Variants in NFATC2 observed in about 807,000 individuals in gnomAD.
NFATC2 encodes the protein nuclear factor of activated T cells 2.
In NFATC2, 22 loss-of-function variants were observed where a neutral mutation model predicts 87.3. That is an observed-to-expected ratio of 0.25 (90% CI 0.18 to 0.36). The LOEUF is 0.36. Ranked by LOEUF, NFATC2 falls within the 10% of genes least tolerant of loss-of-function variation. NFATC2 has a pLI of 1.00. For missense variants in NFATC2, 1,149 were observed against 1,259.1 expected (o/e 0.91, Z 1.32); for synonymous variants, 565 against 542.2 (o/e 1.04, Z -0.58).
intron 3 of NFATC2, among the ~76,000 whole-genome samples, chr20:51,506,627 G>T (rs2076186319): frequency 1.3e-5 from 2 of 152,210 alleles, no homozygotes; most frequent in South Asian, 2.1e-4. Flanking sequence ...CAATAAAGAG[G>T]TCTTGGCCTC....
chr20:51,494,623 CACTTGGCTTCCATAA>C lies in NFATC2; in HGVS notation c.1333-18978_1333-18964del, dbSNP rs375166584. 1.5e-3 allele frequency among the ~76,000 whole-genome samples: 234 copies of C among 152,244 alleles called. 1 individual carries two copies. The highest frequency in any genetic ancestry group is 5.5e-3 in the African/African-American group (228 of 41,532). On this transcript the variant is annotated intron_variant, in intron 3 of 10. Transcript: ENST00000371564. ...GAACCCACGCGCCTTGAGGGACTGG[CACTTGGCTTCCATAA>C]ACAAGGCCGCGGCTCAGTCATCTCA...
intron 3 of NFATC2, among the ~76,000 whole-genome samples, chr20:51,502,817 C>T (rs1233430226): frequency 1.3e-5 from 2 of 152,150 alleles, no homozygotes; most frequent in Non-Finnish European, 1.5e-5. Context: ...TACAGTTTTA[C>T]AATAAATGTC....
At chr20:51,516,698 T>C in intron 3 of NFATC2, 86 bp downstream of exon 3, 2 of 1,438,524 alleles carry the variant, frequency 1.4e-6, no homozygotes, top group African/African-American at 1.4e-5. Context: ...TACCTCACCT[T>C]AACAAGCAAC....
At chr20:51,530,057 A>C (rs1221813334) in intron 1 of NFATC2, among the ~76,000 whole-genome samples, 1 of 152,242 alleles carries the variant, frequency 6.6e-6, no homozygotes, top group East Asian at 1.9e-4. Context: ...AACATTTCCA[A>C]GACCCCAGAA....
intron 3 of NFATC2, among the ~76,000 whole-genome samples, chr20:51,514,865 AC>A (rs2076326768): frequency 6.6e-6 from 1 of 152,080 alleles, no homozygotes; most frequent in African/African-American, 2.4e-5. Flanking sequence ...AGAGTGATAG[AC>A]TCTGTCAAAA....
At chr20:51,397,122 A>T (rs781523525) in intron 10 of NFATC2, among the ~76,000 whole-genome samples, 1 of 152,048 alleles carries the variant, frequency 6.6e-6, no homozygotes, top group Non-Finnish European at 1.5e-5. Flanking sequence ...CGAACTCCTG[A>T]CCTTGCCTCG....
intron 1 of NFATC2, among the ~76,000 whole-genome samples, chr20:51,526,147 A>G (rs1317262307): frequency 6.6e-6 from 1 of 151,882 alleles, no homozygotes; most frequent in Non-Finnish European, 1.5e-5. Flanking sequence ...TTTCCCTGCC[A>G]TCTTTTCTCC....
intron 9 of NFATC2, among the ~76,000 whole-genome samples, chr20:51,420,979 T>C (rs1242509481): frequency 6.6e-6 from 1 of 151,896 alleles, no homozygotes; most frequent in African/African-American, 2.4e-5. Context: ...GAAGATTGTT[T>C]GAGCCCAGGA....
At chr20:51,501,878 A>G (rs1180614206) in intron 3 of NFATC2, among the ~76,000 whole-genome samples, 1 of 152,230 alleles carries the variant, frequency 6.6e-6, no homozygotes, top group Non-Finnish European at 1.5e-5. Flanking sequence ...CCACACATAC[A>G]GTCTCTGTTG....
Position 51,432,738 on chromosome 20 carries a change from TC to T in NFATC2, c.2050del (p.Glu684SerfsTer10). 2 of 1,581,988 alleles carry T rather than the reference TC, an allele frequency of 1.3e-6. No individual in the cohort carries two copies. Among genetic ancestry groups the T allele is most frequent in the South Asian group, 1.1e-5 (1 of 88,360 alleles). Reference protein sequence around the residue: ...TYHPVPAIKTEPTDEYDPTLI... With the variant: ...TYHPVPAIKTXPTDEYDPTLI... The stretch of plus-strand genomic sequence containing the variant: ...AGTGGGGTCATATTCATCCGTGGGC[TC>T]CGTCTTGATGGCTGGGACTGGGAGG... On this transcript the variant is annotated frameshift_variant, in exon 9 of 11. Transcript: ENST00000371564. LOFTEE classifies it high-confidence loss of function. The surrounding 1 kb of genome is among the most constrained non-coding windows in gnomAD (Gnocchi z 4.6).
At chr20:51,491,871 TACACATACACACACACACACACAC>T (rs2075893792) in intron 3 of NFATC2, among the ~76,000 whole-genome samples, 3 of 86,246 alleles carry the variant, frequency 3.5e-5, no homozygotes, top group Non-Finnish European at 4.9e-5. Context: ...AACACACACA[TACACATACACACACACACACACAC>T]ACACACACAC....
chr20:51,436,540 C>A (rs902832867), intron 6 of NFATC2, among the ~76,000 whole-genome samples: 1 of 151,892 alleles, frequency 6.6e-6, no homozygotes, highest in African/African-American at 2.4e-5. Context: ...GAAACCCCGT[C>A]TCTACTAAAA....
At chr20:51,556,585 G>C (rs1337831728) in intron 1 of NFATC2, among the ~76,000 whole-genome samples, 1 of 152,172 alleles carries the variant, frequency 6.6e-6, no homozygotes, top group African/African-American at 2.4e-5. Context: ...CACATTAAAT[G>C]GTCAAGGGGG....
intron 3 of NFATC2, among the ~76,000 whole-genome samples, chr20:51,491,877 T>TACACACACAC (rs33936990): frequency 5.2e-5 from 3 of 57,400 alleles, no homozygotes; most frequent in African/African-American, 1.5e-4. Flanking sequence ...CACATACACA[T>TACACACACAC]ACACACACAC....
intron 8 of NFATC2, among the ~76,000 whole-genome samples, chr20:51,433,126 T>C (rs982162468): frequency 2.6e-5 from 4 of 152,158 alleles, no homozygotes; most frequent in African/African-American, 7.2e-5. Flanking sequence ...CTCCGCTTGC[T>C]TTCCTTTCTA....
chr20:51,428,185 A>G (rs1178069683), intron 9 of NFATC2, among the ~76,000 whole-genome samples: 1 of 152,176 alleles, frequency 6.6e-6, no homozygotes, highest in Non-Finnish European at 1.5e-5. Context: ...ATGAGGTCCC[A>G]GAAGCAGCTA....
intron 5 of NFATC2, among the ~76,000 whole-genome samples, chr20:51,465,279 T>C (rs964131296): frequency 4.0e-5 from 6 of 151,718 alleles, no homozygotes; most frequent in African/African-American, 1.2e-4. Context: ...ACTCAGGAGG[T>C]TGAGGAACGA....
intron 3 of NFATC2, among the ~76,000 whole-genome samples, chr20:51,485,483 A>C (rs909105053): frequency 6.6e-6 from 1 of 151,998 alleles, no homozygotes; most frequent in African/African-American, 2.4e-5. Context: ...GGATTAAAAT[A>C]TGCAAGCCTT....
chr20:51,477,763 C>T (rs900123129), intron 3 of NFATC2, among the ~76,000 whole-genome samples: 12 of 151,636 alleles, frequency 7.9e-5, no homozygotes, highest in East Asian at 1.9e-4. Context: ...GGAGATCCTT[C>T]GGTAGGATCT....
Sources: allele counts gnomAD v4.1 joint callset (sites outside exome capture counted in the v4.1 genomes callset), GRCh38; gene constraint gnomAD v4.1.1; non-coding constraint Gnocchi (gnomAD v3.1); transcripts MANE v1.5; gene names NCBI Gene and HGNC (gene_info 2026-07-23, HGNC 2026-07-21).